FOXP2: variants seen among roughly 807,000 people sequenced by gnomAD.
The protein encoded by FOXP2 is forkhead box P2.
A neutral mutation model predicts 115.8 loss-of-function variants in FOXP2; 12 were observed. The ratio of observed to expected loss-of-function variants is 0.10; its 90% confidence interval spans 0.07 to 0.17. The LOEUF is 0.17. Among genes scored for constraint, FOXP2 ranks in the 10% least tolerant of loss-of-function variants. The pLI, the probability that FOXP2 is intolerant of heterozygous loss-of-function variation, is 1.00. For synonymous variants in FOXP2, 328 were observed against 297.7 expected, an observed-to-expected ratio of 1.10 and a Z score of -1.05; for missense variants, 629 against 843.5, an observed-to-expected ratio of 0.75 and a Z score of 3.15.
intron 3 of FOXP2, among the ~76,000 whole-genome samples, chr7:114,560,402 T>A (rs2129290714): frequency 6.6e-6 from 1 of 152,208 alleles, no homozygotes; most frequent in Non-Finnish European, 1.5e-5. Flanking sequence ...GGCCAGGAGT[T>A]TGAGACCAGC....
At chr7:114,529,143 T>C (rs1428239407) in intron 2 of FOXP2, among the ~76,000 whole-genome samples, 3 of 151,912 alleles carry the variant, frequency 2.0e-5, no homozygotes, top group Admixed American at 6.6e-5. Context: ...CTGCACCTTA[T>C]AGAATGCTGA....
intron 1 of FOXP2, among the ~76,000 whole-genome samples, chr7:114,195,214 C>T (rs1458481667): frequency 1.3e-5 from 2 of 152,102 alleles, no homozygotes; most frequent in Admixed American, 1.3e-4. Context: ...ATTTCTGTTT[C>T]AAGCAAGATA....
chr7:114,286,552 C>A (rs1796471884), intron 1 of FOXP2, among the ~76,000 whole-genome samples: 1 of 151,840 alleles, frequency 6.6e-6, no homozygotes, highest in African/African-American at 2.4e-5. Flanking sequence ...ATATATTAGG[C>A]AGAGTATAAT....
intron 2 of FOXP2, among the ~76,000 whole-genome samples, chr7:114,358,014 C>T (rs552832166): frequency 6.6e-6 from 1 of 152,232 alleles, no homozygotes; most frequent in African/African-American, 2.4e-5. Flanking sequence ...TATGTTTTGG[C>T]TGTGTCACCA....
intron 2 of FOXP2, among the ~76,000 whole-genome samples, chr7:114,329,738 G>T (rs551955435): frequency 6.6e-6 from 1 of 150,476 alleles, no homozygotes; most frequent in East Asian, 2.0e-4. Flanking sequence ...GGGCAGTGGC[G>T]CGAAACCAGC....
intron 1 of FOXP2, among the ~76,000 whole-genome samples, chr7:114,241,013 A>T (rs1795137841): frequency 6.6e-6 from 1 of 151,696 alleles, no homozygotes; most frequent in Non-Finnish European, 1.5e-5. Context: ...GACCTGTTTG[A>T]CTCCCTCCAT....
chr7:114,642,562 C>T lies in FOXP2; in HGVS notation c.928C>T (p.Pro310Ser), dbSNP rs1227082843. Reference protein sequence around the residue: ...TSSNTSKASPPITHHSIVNGQ... With the variant: ...TSSNTSKASPSITHHSIVNGQ... ...CTCCAACACTTCCAAAGCATCACCA[C>T]CAATAACTCATCATTCCATAGTGAA... is the stretch of plus-strand genomic sequence containing the variant. The change falls in exon 7 of 17, where the codon CCA becomes TCA. Residue 310 changes from proline to serine, a missense_variant. Physicochemically the swap from Pro to Ser is moderately conservative, Grantham distance 74 (BLOSUM62 -1). Around this residue, in one of 9 missense-constraint regions of FOXP2, gnomAD observed 92 missense variants for 80.1 expected, o/e 1.15. Transcript: ENST00000350908. 4.3e-6 allele frequency: 7 copies of T among 1,613,662 alleles called. No homozygotes were observed. The highest frequency in any genetic ancestry group is 1.1e-5 in the South Asian group (1 of 91,072).
rs187354090 is a variant in FOXP2, at chr7:114,611,452, A to T, written c.259-17088A>T. ...CTTCATTAATTTATTTTTCAAAAAA[A>T]TTTTTTGAGTATGTATTTTGTGTCA... is the stretch of plus-strand genomic sequence containing the variant. On this transcript the variant is annotated intron_variant, in intron 3 of 16. Transcript: ENST00000350908. 2.3e-3 allele frequency among the ~76,000 whole-genome samples: 351 copies of T among 152,260 alleles called. 1 individual carries two copies. Among genetic ancestry groups the T allele is most frequent in the African/African-American group, 8.0e-3 (333 of 41,556 alleles).
At chr7:114,369,381 C>T (rs980089628) in intron 2 of FOXP2, among the ~76,000 whole-genome samples, 2 of 152,188 alleles carry the variant, frequency 1.3e-5, no homozygotes, top group African/African-American at 4.8e-5. Flanking sequence ...GTTCCTTGTC[C>T]AGGTGGAGTA....
intron 2 of FOXP2, among the ~76,000 whole-genome samples, chr7:114,521,530 C>A (rs1268051262): frequency 4.7e-5 from 3 of 63,906 alleles, no homozygotes; most frequent in Non-Finnish European, 7.7e-5. Context: ...AGGACACTGT[C>A]TCAAAAAAAA....
chr7:114,371,246 A>AATT (rs1756094630), intron 2 of FOXP2, among the ~76,000 whole-genome samples: 1 of 112,802 alleles, frequency 8.9e-6, no homozygotes, highest in South Asian at 4.2e-4. Flanking sequence ...ATGTCCAGCT[A>AATT]ATTTTTTTTT....
upstream of FOXP2, among the ~76,000 whole-genome samples, chr7:114,412,235 T>C (rs923712412): frequency 6.6e-6 from 1 of 152,152 alleles, no homozygotes; most frequent in African/African-American, 2.4e-5. Flanking sequence ...AGTGGCATCT[T>C]CCTGATCACG....
intron 3 of FOXP2, among the ~76,000 whole-genome samples, chr7:114,543,224 T>C (rs569272943): frequency 6.6e-6 from 1 of 152,230 alleles, no homozygotes; most frequent in Non-Finnish European, 1.5e-5. Flanking sequence ...GCTAATAAAT[T>C]ACTATAGTAT....
intron 1 of FOXP2, among the ~76,000 whole-genome samples, chr7:114,164,932 TA>T (rs1207549354): frequency 6.6e-6 from 1 of 151,422 alleles, no homozygotes; most frequent in Admixed American, 6.6e-5. Flanking sequence ...ACTGCAGAAA[TA>T]AAAAGTTGAG....
At chr7:114,415,900 A>C (rs1584707100) in intron 1 of FOXP2, among the ~76,000 whole-genome samples, 1 of 151,998 alleles carries the variant, frequency 6.6e-6, no homozygotes, top group Non-Finnish European at 1.5e-5. Context: ...GTAGTTTTAT[A>C]TGCATGTTCA....
chr7:114,491,210 A>T (rs1222155958), intron 2 of FOXP2, among the ~76,000 whole-genome samples: 1 of 151,784 alleles, frequency 6.6e-6, no homozygotes, highest in Non-Finnish European at 1.5e-5. Flanking sequence ...AACTGGTGTG[A>T]GATGGTATCT....
intron 2 of FOXP2, among the ~76,000 whole-genome samples, chr7:114,533,136 A>T (rs549497650): frequency 6.6e-6 from 1 of 152,056 alleles, no homozygotes; most frequent in African/African-American, 2.4e-5. Context: ...GATTATCGTG[A>T]GTGAGTGTGT....
At chr7:114,223,563 A>G (rs966173907) in intron 1 of FOXP2, among the ~76,000 whole-genome samples, 7 of 146,322 alleles carry the variant, frequency 4.8e-5, no homozygotes, top group African/African-American at 1.2e-4. Flanking sequence ...TAGATAGCCA[A>G]CATATTATAC....
intron 2 of FOXP2, among the ~76,000 whole-genome samples, chr7:114,507,056 C>T (rs545305246): frequency 6.6e-6 from 1 of 151,886 alleles, no homozygotes; most frequent in East Asian, 1.9e-4. Flanking sequence ...AACCACTCAT[C>T]TCTAAAAATA....
Sources: allele counts gnomAD v4.1 joint callset (sites outside exome capture counted in the v4.1 genomes callset), GRCh38; gene constraint gnomAD v4.1.1; regional missense constraint gnomAD v4.1.1; transcripts MANE v1.5; gene names NCBI Gene and HGNC (gene_info 2026-07-23, HGNC 2026-07-21).